Variants in ADAMTS12 observed in about 807,000 individuals in gnomAD.
The protein encoded by ADAMTS12 is A disintegrin and metalloproteinase with thrombospondin motifs 12.
ADAMTS12 carries 118 observed loss-of-function variants against 167.8 expected under a neutral mutation model. The ratio of observed to expected loss-of-function variants is 0.70; its 90% CI spans 0.61 to 0.82. The LOEUF (loss-of-function observed/expected upper bound fraction) is 0.82, where lower values mean the gene tolerates loss of function less well. Ranked by LOEUF, ADAMTS12 falls within the 40% of genes least tolerant of loss-of-function variation. The pLI, the probability that ADAMTS12 is intolerant of heterozygous loss-of-function variation, is 0.00. For missense variants in ADAMTS12, 1,916 were observed against 1,998.8 expected (o/e 0.96, Z 0.79); for synonymous variants, 704 against 716.9 (o/e 0.98, Z 0.29).
intron 18 of ADAMTS12, among the ~76,000 whole-genome samples, chr5:33,580,034 A>G (rs1335194599): frequency 3.3e-5 from 5 of 152,194 alleles, no homozygotes; most frequent in African/African-American, 1.2e-4. Context: ...TTACTGCTGG[A>G]TGTTTTTAGA....
chr5:33,841,270 C>T lies in ADAMTS12; in HGVS notation c.489+39849G>A, dbSNP rs1748735504. On this transcript the variant is annotated intron_variant, in intron 2 of 23. Coordinates refer to ENST00000504830, the MANE Select transcript of ADAMTS12 (RefSeq NM_030955.4). ...CACAGTTGTCTGCAGCTACTCCCTC[C>T]TTCCTTTTCATCCTTTTTGTAGCAT... Among the ~76,000 whole-genome samples, 2 of 152,192 alleles carry T rather than the reference C, an allele frequency of 1.3e-5. 1 individual carries two copies. The highest frequency in any genetic ancestry group is 4.8e-5 in the African/African-American group (2 of 41,446).
At chr5:33,818,870 T>C (rs1255856557) in intron 2 of ADAMTS12, among the ~76,000 whole-genome samples, 1 of 152,162 alleles carries the variant, frequency 6.6e-6, no homozygotes, top group Non-Finnish European at 1.5e-5. Context: ...AACTGTTAGT[T>C]ATTTGTATGT....
intron 19 of ADAMTS12, among the ~76,000 whole-genome samples, chr5:33,572,070 G>A (rs1746383185): frequency 6.6e-6 from 1 of 152,148 alleles, no homozygotes; most frequent in Non-Finnish European, 1.5e-5. Context: ...TCTCTGAATA[G>A]ACCAATAACA....
chr5:33,646,463 A>G (rs927703320), intron 9 of ADAMTS12, among the ~76,000 whole-genome samples: 1 of 152,212 alleles, frequency 6.6e-6, no homozygotes, highest in Non-Finnish European at 1.5e-5. Context: ...ATCTAGGTAC[A>G]CAGAAAACTT....
At position 33,625,423 on chromosome 5, in the gene ADAMTS12, C is replaced by T. The variant is rs539831112; in HGVS notation, c.2023-1072G>A. 4.9e-4 allele frequency among the ~76,000 whole-genome samples: 75 copies of T among 152,282 alleles called. 2 individuals are homozygous for T. The South Asian group carries it at 0.012, about 25-fold the overall frequency. On this transcript the variant is annotated intron_variant, in intron 13 of 23. Transcript: ENST00000504830. ...CAGCCCTTCACAAGCAATATGTTTG[C>T]ATCAAGCTTGAGCACCCTCTAATAA...
chr5:33,618,253 T>C (rs570505717), intron 14 of ADAMTS12, among the ~76,000 whole-genome samples: 1 of 152,206 alleles, frequency 6.6e-6, no homozygotes, highest in Non-Finnish European at 1.5e-5. Context: ...GTTGTCTTCA[T>C]GTTGAGTAGG....
At position 33,783,826 on chromosome 5, in the gene ADAMTS12, A is replaced by C. The variant is rs73086150; in HGVS notation, c.490-32278T>G. On this transcript the variant is annotated intron_variant, in intron 2 of 23. Coordinates refer to ENST00000504830, the MANE Select transcript of ADAMTS12 (RefSeq NM_030955.4). ...TCCTACACAAACTCTTCCCAAAATA[A>C]ATTTTCACATAAAATTTTCCAACTT... 2.7e-3 allele frequency among the ~76,000 whole-genome samples: 412 copies of C among 152,038 alleles called. 1 individual carries two copies. Among genetic ancestry groups the C allele is most frequent in the African/African-American group, 9.5e-3 (395 of 41,556 alleles).
intron 2 of ADAMTS12, among the ~76,000 whole-genome samples, chr5:33,843,373 G>A (rs80323646): frequency 0.012 from 1,770 of 151,804 alleles, 32 homozygotes; most frequent in African/African-American, 0.04. Flanking sequence ...TCAATGCCCC[G>A]TGGCTTGACA....
At chr5:33,643,556 C>T in intron 9 of ADAMTS12, 86 bp from the exon 10 acceptor site, 1 of 1,137,214 alleles carries the variant, frequency 8.8e-7, no homozygotes, top group Non-Finnish European at 1.3e-6. Flanking sequence ...CACACTCATC[C>T]ACACACTCAC....
intron 2 of ADAMTS12, among the ~76,000 whole-genome samples, chr5:33,762,451 T>C (rs1579914861): frequency 6.6e-6 from 1 of 151,518 alleles, no homozygotes; most frequent in Non-Finnish European, 1.5e-5. Flanking sequence ...GGGGTTGCAG[T>C]GAGCCGAGAT....
intron 21 of ADAMTS12, among the ~76,000 whole-genome samples, chr5:33,546,907 C>T (rs536368137): frequency 4.6e-5 from 7 of 152,218 alleles, no homozygotes; most frequent in African/African-American, 9.6e-5. Context: ...ATGGTTACAA[C>T]GATAACAATA....
intron 17 of ADAMTS12, 128 bp downstream of exon 17, chr5:33,595,806 C>T: frequency 7.3e-7 from 1 of 1,377,628 alleles, no homozygotes; most frequent in Non-Finnish European, 9.9e-7. Context: ...AAAACTCTAA[C>T]CGCGTTCTTG....
intron 2 of ADAMTS12, among the ~76,000 whole-genome samples, chr5:33,850,374 C>G (rs1351499165): frequency 6.6e-6 from 1 of 152,204 alleles, no homozygotes; most frequent in South Asian, 2.1e-4. Flanking sequence ...TTCCCTTTCA[C>G]AAGAGAGTTC....
intron 3 of ADAMTS12, among the ~76,000 whole-genome samples, chr5:33,741,548 C>T (rs1744586252): frequency 6.6e-6 from 1 of 152,160 alleles, no homozygotes; most frequent in African/African-American, 2.4e-5. Flanking sequence ...GGGGAGGACA[C>T]CATTTAGCTC....
intron 8 of ADAMTS12, 37 bp downstream of exon 8, chr5:33,649,517 G>C (rs1320126375): frequency 6.2e-7 from 1 of 1,604,750 alleles, no homozygotes; most frequent in Non-Finnish European, 8.5e-7. Flanking sequence ...AATTTAAAGA[G>C]ACCCAGGTGA....
chr5:33,886,215 AT>A (rs1300568494), intron 1 of ADAMTS12, among the ~76,000 whole-genome samples: 2 of 152,236 alleles, frequency 1.3e-5, no homozygotes, highest in African/African-American at 4.8e-5. Context: ...AAATTTATAA[AT>A]TTTGACCCAG....
chr5:33,545,141 A>G (rs1443545864), intron 22 of ADAMTS12, among the ~76,000 whole-genome samples: 2 of 152,362 alleles, frequency 1.3e-5, no homozygotes, highest in Non-Finnish European at 2.9e-5. Flanking sequence ...AGAATCTGCA[A>G]AGAACTTAAA....
At position 33,730,261 on chromosome 5, in the gene ADAMTS12, G is replaced by A. The variant is rs763814924; in HGVS notation, c.634+21143C>T. ...AGTATCACTATTGTATAAGGTGCTG[G>A]TGCTATTATGAGATCAGAGTCCATT... On this transcript the variant is annotated intron_variant, in intron 3 of 23. Transcript: ENST00000504830. Among the ~76,000 whole-genome samples, 40 of 151,186 alleles carry A rather than the reference G, an allele frequency of 2.6e-4. No individual in the cohort carries two copies. In the Middle Eastern group the frequency reaches 0.01, roughly 39 times the overall value.
At chr5:33,552,508 T>G (rs1745293223) in intron 20 of ADAMTS12, among the ~76,000 whole-genome samples, 1 of 152,260 alleles carries the variant, frequency 6.6e-6, no homozygotes, top group Admixed American at 6.5e-5. Context: ...CTCAAAGTTA[T>G]ACATCAAATA....
Sources: gnomAD v4.1 joint callset for allele counts (sites outside exome capture counted in the v4.1 genomes callset) on GRCh38, gnomAD v4.1.1 for gene constraint, MANE v1.5 for transcripts, NCBI Gene and HGNC (gene_info 2026-07-23, HGNC 2026-07-21) for gene names.